The following LAMC1 variants were observed in gnomAD, a reference collection of about 807,000 sequenced individuals.
LAMC1 encodes laminin subunit gamma-1.
Under a neutral mutation model 173.6 loss-of-function variants are expected in LAMC1, and 38 were observed. The observed-to-expected ratio is 0.22, with a 90% CI of 0.17 to 0.29. The LOEUF (loss-of-function observed/expected upper bound fraction) is 0.29. Ranked by LOEUF, LAMC1 falls within the 10% of genes least tolerant of loss-of-function variation. LAMC1 has a pLI of 1.00. For synonymous variants in LAMC1, 746 were observed against 749.1 expected (o/e 1.00, Z 0.07); for missense variants, 1,824 against 2,051.8 (o/e 0.89, Z 2.14).
chr1:183,076,452 A>G (rs1286811454), intron 1 of LAMC1, among the ~76,000 whole-genome samples: 2 of 152,216 alleles, frequency 1.3e-5, no homozygotes, highest in Non-Finnish European at 2.9e-5. Context: ...GCACCTCAGT[A>G]GTTGTACTTT....
chr1:183,084,240 G>A (rs1316380099), intron 1 of LAMC1, among the ~76,000 whole-genome samples: 3 of 152,132 alleles, frequency 2.0e-5, no homozygotes, highest in Non-Finnish European at 4.4e-5. Flanking sequence ...CTACTCAGGA[G>A]GCTGAGGCAG....
chr1:183,074,202 A>G (rs1343365936), intron 1 of LAMC1, among the ~76,000 whole-genome samples: 1 of 152,234 alleles, frequency 6.6e-6, no homozygotes, highest in African/African-American at 2.4e-5. Context: ...AGTGCCACCA[A>G]GTATTCACAA....
chr1:183,120,000 GTC>G (rs1038073659), intron 11 of LAMC1, among the ~76,000 whole-genome samples: 6 of 151,604 alleles, frequency 4.0e-5, no homozygotes, highest in South Asian at 2.1e-4. Context: ...GCAAGATTCT[GTC>G]TCTATAAATC....
chr1:183,125,393 T>G lies in LAMC1; in HGVS notation c.2648-4T>G, dbSNP rs1656591715. 4 of 1,613,914 alleles carry G rather than the reference T, an allele frequency of 2.5e-6. No homozygotes were observed. The highest frequency in any genetic ancestry group is 3.4e-6 in the Non-Finnish European group (4 of 1,179,770). On this transcript the variant is annotated splice_polypyrimidine_tract_variant and splice_region_variant and intron_variant, in intron 14 of 27. Transcript: ENST00000258341. ...CTTTTGCCATCTCTGTCTTCCTGCC[T>G]TAGCCTGCAATTGCAATCTGTATGG...
At chr1:183,036,264 G>A (rs1006978515) in intron 1 of LAMC1, among the ~76,000 whole-genome samples, 2 of 151,164 alleles carry the variant, frequency 1.3e-5, no homozygotes, top group African/African-American at 4.9e-5. Flanking sequence ...GTGCCCAGCT[G>A]ATTTTTGGAT....
chr1:183,029,983 C>A (rs1343827182), intron 1 of LAMC1, among the ~76,000 whole-genome samples: 2 of 152,150 alleles, frequency 1.3e-5, no homozygotes, highest in Non-Finnish European at 2.9e-5. Context: ...CCTTCTTAGC[C>A]AAGTCCAGTC....
chr1:183,043,006 A>C (rs1397202976), intron 1 of LAMC1, among the ~76,000 whole-genome samples: 3 of 152,228 alleles, frequency 2.0e-5, no homozygotes, highest in Non-Finnish European at 4.4e-5. Context: ...TTTAGGAATG[A>C]GAGTTCCAGA....
At chr1:183,051,276 C>T (rs1430197706) in intron 1 of LAMC1, among the ~76,000 whole-genome samples, 2 of 152,162 alleles carry the variant, frequency 1.3e-5, no homozygotes, top group Non-Finnish European at 2.9e-5. Flanking sequence ...CTTCCACCTG[C>T]CTTTTGGATC....
intron 1 of LAMC1, among the ~76,000 whole-genome samples, chr1:183,052,061 A>T (rs1571410123): frequency 6.6e-6 from 1 of 152,156 alleles, no homozygotes; most frequent in African/African-American, 2.4e-5. Flanking sequence ...TAAAAAAATC[A>T]TTCCTTTTGT....
At chr1:183,100,071 C>T (rs1405130325) in intron 1 of LAMC1, among the ~76,000 whole-genome samples, 1 of 152,180 alleles carries the variant, frequency 6.6e-6, no homozygotes, top group Non-Finnish European at 1.5e-5. Flanking sequence ...AGGGTACTAA[C>T]AGCGACAAGT....
chr1:183,050,629 C>T lies in LAMC1; in HGVS notation c.418+26495C>T, dbSNP rs372695723. ...TCACTGGGCCAGGCTCGGTGGCTCACGCCTGTAATCCCAGCACTTTGGGAG... is the reference window on the plus strand; with the variant it reads ...TCACTGGGCCAGGCTCGGTGGCTCATGCCTGTAATCCCAGCACTTTGGGAG... On this transcript the variant is annotated intron_variant, in intron 1 of 27. Transcript: ENST00000258341. 8.8e-3 allele frequency among the ~76,000 whole-genome samples: 1,275 copies of T among 144,238 alleles called. 7 individuals carry two copies. The highest frequency in any genetic ancestry group is 0.021 in the Middle Eastern group (6 of 288). The allele number at this position is 144,238 out of a possible 152,430, so 94.6% of individuals were successfully genotyped here.
intron 1 of LAMC1, among the ~76,000 whole-genome samples, chr1:183,097,111 C>T (rs1655714960): frequency 6.6e-6 from 1 of 152,194 alleles, no homozygotes; most frequent in African/African-American, 2.4e-5. Flanking sequence ...GGAACAATAA[C>T]AGCTGGTTTG....
chr1:183,125,587 C>T, intron 15 of LAMC1, 37 bp downstream of exon 15: 1 of 1,454,556 alleles, frequency 6.9e-7, no homozygotes, highest in Non-Finnish European at 9.3e-7. Context: ...GTAATCTTTG[C>T]TTTTTCTGTT....
chr1:183,083,530 A>G (rs1359814286), intron 1 of LAMC1, among the ~76,000 whole-genome samples: 1 of 152,214 alleles, frequency 6.6e-6, no homozygotes, highest in East Asian at 1.9e-4. Flanking sequence ...TTGGGCTACC[A>G]TCTTGTTTCT....
In LAMC1 at chr1:183,110,590, T is replaced by C. The variant is rs143166232; in HGVS notation, c.957T>C (p.Cys319=). 6.8e-6 allele frequency: 11 copies of C among 1,613,942 alleles called. No individual in the cohort carries two copies. In the African/African-American group the frequency reaches 1.5e-4, roughly 22 times the overall value. ...CATATGGAGTAGACTGTGAAAAGTG[T>C]CTTCCTTTCTTCAATGACCGGCCGT... ...HNTYGVDCEK[C]LPFFNDRPWR... The change falls in exon 4 of 28, where the codon TGT becomes TGC. Residue 319 remains cysteine, a synonymous_variant. Transcript: ENST00000258341.
chr1:183,116,777 G>A lies in LAMC1; in HGVS notation c.1438G>A (p.Gly480Arg). The change falls in exon 8 of 28, where the codon GGA becomes AGA. Residue 480 changes from glycine to arginine, a missense_variant. Gly to Arg is a moderately radical substitution (Grantham distance 125, BLOSUM62 -2). Coordinates refer to ENST00000258341, the MANE Select transcript of LAMC1 (RefSeq NM_002293.4). ...EGFNCERCKP[G>R]FFNLESSNPR... Reference sequence around the variant, plus strand: ...CTTAATCTTTTTCAGATGCAAACCTGGATTTTTTAATCTGGAATCATCTAA... The same window carrying A: ...CTTAATCTTTTTCAGATGCAAACCTAGATTTTTTAATCTGGAATCATCTAA... 1 of 1,613,944 alleles carries A rather than the reference G, an allele frequency of 6.2e-7. No homozygotes were observed.
At chr1:183,092,764 C>T (rs1424234365) in intron 1 of LAMC1, among the ~76,000 whole-genome samples, 2 of 152,134 alleles carry the variant, frequency 1.3e-5, no homozygotes, top group African/African-American at 4.8e-5. Flanking sequence ...TTTTAGAGAA[C>T]GTCTTTGTGG....
At chr1:183,067,434 T>C (rs575578920) in intron 1 of LAMC1, among the ~76,000 whole-genome samples, 3 of 152,188 alleles carry the variant, frequency 2.0e-5, no homozygotes, top group African/African-American at 7.2e-5. Flanking sequence ...AGTTTCCTAT[T>C]GGCTGTTCTG....
chr1:183,063,443 A>G (rs375089683), intron 1 of LAMC1, among the ~76,000 whole-genome samples: 2 of 152,252 alleles, frequency 1.3e-5, no homozygotes, highest in Admixed American at 1.3e-4. Flanking sequence ...TTGGGTATAC[A>G]TACCCTGGTA....
Sources: gnomAD v4.1 joint callset for allele counts (sites outside exome capture counted in the v4.1 genomes callset) on GRCh38, gnomAD v4.1.1 for gene constraint, MANE v1.5 for transcripts, NCBI Gene and HGNC (gene_info 2026-07-23, HGNC 2026-07-21) for gene names.